C1orf21: variants seen among roughly 807,000 people sequenced by gnomAD.
C1orf21 encodes uncharacterized protein C1orf21.
In C1orf21, 3 loss-of-function variants were observed where a neutral mutation model predicts 18.7. The observed-to-expected ratio is 0.16, with a 90% confidence interval of 0.07 to 0.42. C1orf21 has a LOEUF of 0.42. Ranked by LOEUF, C1orf21 falls within the 10% of genes least tolerant of loss-of-function variation. The probability of loss-of-function intolerance (pLI) is 0.99; values close to 1 mark genes in which losing one functional copy is unlikely to be tolerated. For missense variants in C1orf21, 104 were observed against 143.6 expected (o/e 0.72, Z 1.41); for synonymous variants, 41 against 46.4 (o/e 0.88, Z 0.47).
intron 1 of C1orf21, among the ~76,000 whole-genome samples, chr1:184,393,934 A>G (rs561476547): frequency 1.3e-5 from 2 of 152,276 alleles, no homozygotes; most frequent in East Asian, 3.9e-4. Flanking sequence ...TCTCCATGAA[A>G]ATTTTATAAA....
intron 3 of C1orf21, among the ~76,000 whole-genome samples, chr1:184,542,278 A>T (rs1160532748): frequency 6.6e-6 from 1 of 152,224 alleles, no homozygotes; most frequent in African/African-American, 2.4e-5. Flanking sequence ...CACAGTTCTA[A>T]GCACTTTACA....
intron 2 of C1orf21, among the ~76,000 whole-genome samples, chr1:184,485,229 G>T (rs1657715895): frequency 6.6e-6 from 1 of 151,934 alleles, no homozygotes; most frequent in East Asian, 1.9e-4. Context: ...ATTGAGATGT[G>T]CTGTAAGTGT....
chr1:184,487,363 C>T (rs1254005050), intron 2 of C1orf21, among the ~76,000 whole-genome samples: 1 of 152,198 alleles, frequency 6.6e-6, no homozygotes, highest in East Asian at 1.9e-4. Flanking sequence ...ACCGTTACAA[C>T]TTGGATTTGT....
intron 3 of C1orf21, among the ~76,000 whole-genome samples, chr1:184,559,554 CCTCTCTCTTT>C (rs1658929811): frequency 3.8e-5 from 5 of 130,616 alleles, no homozygotes; most frequent in African/African-American, 1.5e-4. Context: ...TTCCTTCCTT[CCTCTCTCTTT>C]CTTCCCCTCC....
intron 5 of C1orf21, among the ~76,000 whole-genome samples, chr1:184,608,385 G>A (rs1404776264): frequency 6.6e-6 from 1 of 152,210 alleles, no homozygotes; most frequent in Non-Finnish European, 1.5e-5. Flanking sequence ...GATTTGGGTG[G>A]AAGAAAACCT....
intron 3 of C1orf21, among the ~76,000 whole-genome samples, chr1:184,550,538 GT>G (rs776819679): frequency 4.7e-4 from 71 of 152,148 alleles, no homozygotes; most frequent in Non-Finnish European, 8.7e-4. Context: ...TTGTTTGTTT[GT>G]TTGTTTGTTT....
intron 3 of C1orf21, among the ~76,000 whole-genome samples, chr1:184,553,297 A>G (rs1658838493): frequency 6.6e-6 from 1 of 152,160 alleles, no homozygotes; most frequent in African/African-American, 2.4e-5. Context: ...TCCATTAATA[A>G]TCCTAGGCAA....
chr1:184,408,148 A>G (rs989507535), intron 1 of C1orf21, among the ~76,000 whole-genome samples: 1 of 152,222 alleles, frequency 6.6e-6, no homozygotes, highest in Non-Finnish European at 1.5e-5. Context: ...AATAATACTG[A>G]GATTAGGCAG....
intron 1 of C1orf21, among the ~76,000 whole-genome samples, chr1:184,413,567 G>A (rs1310753597): frequency 6.6e-6 from 1 of 152,132 alleles, no homozygotes; most frequent in East Asian, 1.9e-4. Context: ...AGTAGCTCTG[G>A]TCAGACCTGA....
At chr1:184,524,381 G>A (rs1461828844) in intron 3 of C1orf21, among the ~76,000 whole-genome samples, 1 of 152,034 alleles carries the variant, frequency 6.6e-6, no homozygotes, top group Non-Finnish European at 1.5e-5. Context: ...TACCTTCATG[G>A]AGAATTCCTA....
rs1034806696 is a variant in C1orf21, at chr1:184,620,376, G to A, written c.*820G>A. The A allele has an allele frequency of 1.3e-5, 2 of 152,446 alleles. No homozygotes were observed. Among genetic ancestry groups the A allele is most frequent in the African/African-American group, 4.8e-5 (2 of 41,374 alleles). 9.4% of individuals were successfully genotyped at this position (152,446 alleles called of 1,614,324 possible). ...GCTCAGTGTTTTAAGATGATCCTGG[G>A]TGCAGAAGTTGAGCCCTCCTTTGCA... On this transcript the variant is annotated 3_prime_UTR_variant, in exon 6 of 6. Transcript: ENST00000235307.
chr1:184,458,937 GAA>G (rs1657262179), intron 1 of C1orf21, among the ~76,000 whole-genome samples: 1 of 152,190 alleles, frequency 6.6e-6, no homozygotes, highest in African/African-American at 2.4e-5. Flanking sequence ...CCGTGTTGTA[GAA>G]GTAAATGTTT....
Position 184,579,396 on chromosome 1 carries a change from T to G in C1orf21, c.190-11343T>G, listed in dbSNP as rs1453588274. Among the ~76,000 whole-genome samples the G allele has an allele frequency of 2.2e-3, 275 of 127,208 alleles. 2 individuals carry two copies. The highest frequency in any genetic ancestry group is 7.3e-3 in the African/African-American group (225 of 30,750). The allele number at this position is 127,208 out of a possible 152,430, so 83.5% of individuals were successfully genotyped here. ...TAAGCTGGGTTTTTTTTTTTTTTTT[T>G]TTTTTTTTTTTGAGACGAGGTCTCA... On this transcript the variant is annotated intron_variant, in intron 3 of 5. Transcript: ENST00000235307.
intron 3 of C1orf21, among the ~76,000 whole-genome samples, chr1:184,559,148 G>T (rs1658917318): frequency 6.6e-6 from 1 of 152,156 alleles, no homozygotes; most frequent in East Asian, 1.9e-4. Context: ...CTCCAGTGCT[G>T]GAGGTCAGGC....
intron 1 of C1orf21, among the ~76,000 whole-genome samples, chr1:184,410,434 C>T (rs1656314875): frequency 6.7e-6 from 1 of 149,838 alleles, no homozygotes; most frequent in South Asian, 2.1e-4. Context: ...AATTTGTTTC[C>T]AGGTGGACAT....
intron 3 of C1orf21, among the ~76,000 whole-genome samples, chr1:184,519,739 A>AT (rs1161344493): frequency 6.6e-6 from 1 of 152,192 alleles, no homozygotes; most frequent in Non-Finnish European, 1.5e-5. Context: ...GCTTCACCCA[A>AT]CATTAATAAT....
chr1:184,517,795 C>T (rs554843039), intron 3 of C1orf21, among the ~76,000 whole-genome samples: 1 of 152,128 alleles, frequency 6.6e-6, no homozygotes, highest in Non-Finnish European at 1.5e-5. Flanking sequence ...CTTTCCTAGA[C>T]AGTTTAATAA....
chr1:184,421,199 T>G (rs1656543169), intron 1 of C1orf21, among the ~76,000 whole-genome samples: 1 of 152,184 alleles, frequency 6.6e-6, no homozygotes, highest in Non-Finnish European at 1.5e-5. Context: ...TGATCATAAC[T>G]CACTGTAACC....
intron 1 of C1orf21, among the ~76,000 whole-genome samples, chr1:184,398,426 C>T (rs1251379380): frequency 6.6e-6 from 1 of 152,166 alleles, no homozygotes; most frequent in Admixed American, 6.5e-5. Context: ...TTGTCAACTC[C>T]CAGCCAGTTC....
Sources: gnomAD v4.1 joint callset for allele counts (sites outside exome capture counted in the v4.1 genomes callset) on GRCh38, gnomAD v4.1.1 for gene constraint, MANE v1.5 for transcripts, NCBI Gene and HGNC (gene_info 2026-07-23, HGNC 2026-07-21) for gene names.